MTRF1: variants seen among roughly 807,000 people sequenced by gnomAD.
MTRF1 encodes mitochondrial translation release factor 1, also known as peptide chain release factor 1, mitochondrial.
In MTRF1, 51 loss-of-function variants were observed where a neutral mutation model predicts 62.9. The observed-to-expected ratio is 0.81, with a 90% CI of 0.65 to 1.02. The LOEUF (loss-of-function observed/expected upper bound fraction) is 1.02, where lower values mean the gene tolerates loss of function less well. Ranked by LOEUF, MTRF1 falls within the 50% of genes least tolerant of loss-of-function variation. The pLI is 0.00. For missense variants in MTRF1, 446 were observed against 530.0 expected (o/e 0.84, Z 1.56); for synonymous variants, 158 against 181.9 (o/e 0.87, Z 1.06).
the MTRF1 span, chr13:41,311,713 AGG>A: frequency 1.2e-6 from 1 of 852,880 alleles, no homozygotes; most frequent in East Asian, 3.0e-5. Flanking sequence ...TTTACCTCGG[AGG>A]TCGCGGGACC....
chr13:41,230,013 A>C (rs112127914), intron 7 of MTRF1, among the ~76,000 whole-genome samples: 2,400 of 152,144 alleles, frequency 0.016, 79 homozygotes, highest in African/African-American at 0.054. Context: ...ATGCAGGAGA[A>C]TAGCTTGAAC....
chr13:41,217,344 A>C (rs2032088383), intron 9 of MTRF1, 116 bp from the exon 10 acceptor site: 2 of 576,552 alleles, frequency 3.5e-6, no homozygotes, highest in African/African-American at 1.9e-5. Flanking sequence ...AAGGATTACT[A>C]ATGTTCTGTA....
chr13:41,307,444 T>C, the MTRF1 span, among the ~76,000 whole-genome samples: 1 of 152,002 alleles, frequency 6.6e-6, no homozygotes, highest in Non-Finnish European at 1.5e-5. Flanking sequence ...GCCAACATGG[T>C]GAAACCCCAT....
At chr13:41,238,431 CAT>C (rs1322203752) in intron 6 of MTRF1, among the ~76,000 whole-genome samples, 1 of 152,110 alleles carries the variant, frequency 6.6e-6, no homozygotes, top group Non-Finnish European at 1.5e-5. Flanking sequence ...AAACTTGATA[CAT>C]GAGTTTATAA....
intron 2 of MTRF1, among the ~76,000 whole-genome samples, chr13:41,255,682 ACT>A (rs1242680328): frequency 6.6e-6 from 1 of 152,026 alleles, no homozygotes. Context: ...ACAGAGAAAG[ACT>A]CTGTCTTTAA....
intron 1 of MTRF1, chr13:41,261,789 A>T (rs1271346969): frequency 2.0e-6 from 2 of 985,198 alleles, no homozygotes; most frequent in African/African-American, 1.7e-5. Context: ...CAATTGTGCA[A>T]TCACTTTTCA....
At chr13:41,271,352 G>A in the MTRF1 span, among the ~76,000 whole-genome samples, 1 of 152,130 alleles carries the variant, frequency 6.6e-6, no homozygotes, top group African/African-American at 2.4e-5. Context: ...GGCAAGTATA[G>A]AAGCCATGAA....
At chr13:41,303,203 T>G in the MTRF1 span, among the ~76,000 whole-genome samples, 1 of 152,326 alleles carries the variant, frequency 6.6e-6, no homozygotes, top group East Asian at 1.9e-4. Context: ...TTTTTTGGAC[T>G]ACTTTGATGG....
intron 9 of MTRF1, among the ~76,000 whole-genome samples, chr13:41,221,042 G>A (rs1306962975): frequency 6.6e-6 from 1 of 152,060 alleles, no homozygotes; most frequent in Non-Finnish European, 1.5e-5. Context: ...TTCCAAAAAC[G>A]CTCACATTCT....
chr13:41,308,812 T>A, the MTRF1 span, among the ~76,000 whole-genome samples: 702 of 152,304 alleles, frequency 4.6e-3, 6 homozygotes, highest in African/African-American at 0.017. Context: ...GTACAGACAG[T>A]CTTGTCACCC....
chr13:41,309,827 T>A, the MTRF1 span, among the ~76,000 whole-genome samples: 1 of 151,988 alleles, frequency 6.6e-6, no homozygotes, highest in Non-Finnish European at 1.5e-5. Context: ...AGAAACCCCG[T>A]CTCTACTAAA....
chr13:41,231,602 G>T (rs1223930928), intron 7 of MTRF1, among the ~76,000 whole-genome samples: 1 of 152,150 alleles, frequency 6.6e-6, no homozygotes, highest in African/African-American at 2.4e-5. Context: ...ACATCTGGGG[G>T]TCCCTAATAA....
intron 7 of MTRF1, among the ~76,000 whole-genome samples, chr13:41,231,162 T>TA (rs1173845234): frequency 6.6e-6 from 1 of 152,136 alleles, no homozygotes; most frequent in Non-Finnish European, 1.5e-5. Flanking sequence ...GGAAGAATGG[T>TA]AAATGACTTA....
chr13:41,287,873 A>T, the MTRF1 span: 24 of 348,810 alleles, frequency 6.9e-5, no homozygotes, highest in African/African-American at 4.3e-4. Context: ...TTAAAGCGCC[A>T]ATCTCCTTAT....
chr13:41,301,262 A>C, the MTRF1 span, among the ~76,000 whole-genome samples: 1 of 152,136 alleles, frequency 6.6e-6, no homozygotes, highest in Non-Finnish European at 1.5e-5. Context: ...TCACCCTTTG[A>C]AGGTTCTCTG....
At position 41,263,465 on chromosome 13, in the gene MTRF1, C is replaced by G; in HGVS notation, c.-9+20G>C. ...CAATACAGGAGGCGGCGGGGAAGAT[C>G]AGGAAAGAACTGTGAGTACCTAAGA... On this transcript the variant is annotated intron_variant, in intron 1 of 9. Transcript: ENST00000379480. 2.9e-6 allele frequency: 1 copy of G among 346,382 alleles called. No individual in the cohort carries two copies. 21.5% of individuals were successfully genotyped at this position (346,382 alleles called of 1,614,324 possible).
intron 9 of MTRF1, among the ~76,000 whole-genome samples, chr13:41,221,081 C>T (rs867263403): frequency 1.3e-5 from 2 of 152,090 alleles, no homozygotes; most frequent in South Asian, 4.1e-4. Flanking sequence ...ATTTGTCCAA[C>T]AGCTGTTGCC....
the MTRF1 span, among the ~76,000 whole-genome samples, chr13:41,303,507 A>G: frequency 6.6e-6 from 1 of 152,188 alleles, no homozygotes; most frequent in Admixed American, 6.5e-5. Context: ...GATAATCTAC[A>G]TTTAGGAGAA....
At chr13:41,270,888 C>T in the MTRF1 span, among the ~76,000 whole-genome samples, 6 of 152,032 alleles carry the variant, frequency 3.9e-5, no homozygotes, top group Admixed American at 2.0e-4. Flanking sequence ...CAGGCATGCG[C>T]CACCATGCCC....
Sources: allele counts gnomAD v4.1 joint callset (sites outside exome capture counted in the v4.1 genomes callset), GRCh38; gene constraint gnomAD v4.1.1; transcripts MANE v1.5; gene names NCBI Gene and HGNC (gene_info 2026-07-23, HGNC 2026-07-21).